Variants in ROBO2 observed in about 807,000 individuals in gnomAD.
The protein encoded by ROBO2 is roundabout guidance receptor 2.
ROBO2 carries 53 observed loss-of-function variants against 160.8 expected under a neutral mutation model. The ratio of observed to expected loss-of-function variants is 0.33; its 90% CI spans 0.26 to 0.41. The LOEUF (loss-of-function observed/expected upper bound fraction) is 0.41. Among genes scored for constraint, ROBO2 ranks in the 10% least tolerant of loss-of-function variants. The pLI is 1.00. For missense variants in ROBO2, 1,577 were observed against 1,722.4 expected (o/e 0.92, Z 1.49); for synonymous variants, 664 against 611.7 (o/e 1.09, Z -1.26).
chr3:77,434,674 C>T (rs2079108631), intron 2 of ROBO2, among the ~76,000 whole-genome samples: 2 of 152,060 alleles, frequency 1.3e-5, no homozygotes, highest in Non-Finnish European at 2.9e-5. Flanking sequence ...CTCCTGGTTC[C>T]CCATTACCAT....
At chr3:76,958,146 G>A (rs1173603583) in intron 2 of ROBO2, among the ~76,000 whole-genome samples, 1 of 152,164 alleles carries the variant, frequency 6.6e-6, no homozygotes, top group East Asian at 1.9e-4. Context: ...CAGACTAAGA[G>A]CTGCCTCGTT....
intron 2 of ROBO2, among the ~76,000 whole-genome samples, chr3:76,363,642 G>T (rs975324921): frequency 6.6e-6 from 1 of 151,774 alleles, no homozygotes; most frequent in Admixed American, 6.6e-5. Context: ...CTTGTAAAAA[G>T]CCTGTTTGTC....
chr3:76,165,047 T>C (rs62268951), intron 2 of ROBO2, among the ~76,000 whole-genome samples: 4,329 of 109,768 alleles, frequency 0.039, 113 homozygotes, highest in South Asian at 0.14. Flanking sequence ...TTTGACAACA[T>C]ACAGTCTACA....
At chr3:76,233,807 T>A (rs1195021047) in intron 2 of ROBO2, among the ~76,000 whole-genome samples, 1 of 152,244 alleles carries the variant, frequency 6.6e-6, no homozygotes, top group Non-Finnish European at 1.5e-5. Context: ...TTTACTTTTT[T>A]GTTATTTTGT....
intron 11 of ROBO2, chr3:77,564,589 G>A: frequency 5.0e-6 from 2 of 402,056 alleles, no homozygotes; most frequent in Non-Finnish European, 4.7e-6. Flanking sequence ...TCTTTTCAAG[G>A]TATATATATA....
At chr3:76,207,971 G>A (rs1702913118) in intron 2 of ROBO2, among the ~76,000 whole-genome samples, 3 of 152,164 alleles carry the variant, frequency 2.0e-5, no homozygotes, top group Admixed American at 2.0e-4. Flanking sequence ...TCTTATGATA[G>A]TGTGTGAGTT....
chr3:76,400,190 A>G (rs1576955100), intron 2 of ROBO2, among the ~76,000 whole-genome samples: 1 of 151,816 alleles, frequency 6.6e-6, no homozygotes, highest in African/African-American at 2.4e-5. Context: ...AAAATTGAAT[A>G]AAAAATTGCA....
intron 2 of ROBO2, among the ~76,000 whole-genome samples, chr3:76,940,104 C>A: frequency 6.6e-6 from 1 of 151,664 alleles, no homozygotes; most frequent in Admixed American, 6.6e-5. Flanking sequence ...GCCTCAGCCT[C>A]CCGAGTAGCT....
intron 2 of ROBO2, among the ~76,000 whole-genome samples, chr3:76,579,398 T>G (rs2085510464): frequency 6.6e-6 from 1 of 152,168 alleles, no homozygotes; most frequent in African/African-American, 2.4e-5. Flanking sequence ...ATTTACTCTT[T>G]CTCTTCTTAA....
intron 2 of ROBO2, among the ~76,000 whole-genome samples, chr3:76,215,639 T>C (rs1703466851): frequency 6.6e-6 from 1 of 152,080 alleles, no homozygotes; most frequent in Non-Finnish European, 1.5e-5. Flanking sequence ...GAACAAAGAC[T>C]CCAAGAAATA....
At chr3:76,513,209 G>C (rs950725170) in intron 2 of ROBO2, among the ~76,000 whole-genome samples, 9 of 152,138 alleles carry the variant, frequency 5.9e-5, no homozygotes, top group African/African-American at 2.2e-4. Context: ...GAAGGCACAT[G>C]GTGATGAGGC....
intron 2 of ROBO2, among the ~76,000 whole-genome samples, chr3:76,265,890 A>T (rs1312820448): frequency 6.6e-6 from 1 of 152,198 alleles, no homozygotes; most frequent in East Asian, 1.9e-4. Context: ...AGTAACAAGG[A>T]AAGAGCCTTA....
At chr3:76,055,029 A>G (rs1256182832) in intron 2 of ROBO2, among the ~76,000 whole-genome samples, 1 of 152,244 alleles carries the variant, frequency 6.6e-6, no homozygotes, top group Non-Finnish European at 1.5e-5. Context: ...AAGAGGTTTA[A>G]TTGACTCACA....
At chr3:77,432,195 G>A (rs557410622) in intron 2 of ROBO2, among the ~76,000 whole-genome samples, 1 of 152,268 alleles carries the variant, frequency 6.6e-6, no homozygotes, top group South Asian at 2.1e-4. Context: ...AAAGTCATTT[G>A]TATGGTCAAG....
Position 77,213,999 on chromosome 3 carries a change from C to G in ROBO2, c.388+115659C>G, listed in dbSNP as rs61544357. 7.4e-3 allele frequency among the ~76,000 whole-genome samples: 1,120 copies of G among 152,116 alleles called. 13 individuals carry two copies. The highest frequency in any genetic ancestry group is 0.024 in the African/African-American group (1,008 of 41,490). On this transcript the variant is annotated intron_variant, in intron 2 of 25. Coordinates refer to ENST00000461745, the Ensembl canonical transcript of ROBO2. Reference sequence around the variant, plus strand: ...TTGCTGAGGAGTGCTTTACTTCCAACTATGTGGTCAATTTTGGAATAGGTG... The same window carrying G: ...TTGCTGAGGAGTGCTTTACTTCCAAGTATGTGGTCAATTTTGGAATAGGTG...
intron 2 of ROBO2, among the ~76,000 whole-genome samples, chr3:77,175,433 T>A (rs981852397): frequency 1.3e-5 from 2 of 152,002 alleles, no homozygotes; most frequent in East Asian, 1.9e-4. Flanking sequence ...GTCCTTAAAT[T>A]CTAGACTGAA....
At chr3:77,508,633 GACAA>G in intron 5 of ROBO2, among the ~76,000 whole-genome samples, 1 of 151,792 alleles carries the variant, frequency 6.6e-6, no homozygotes, top group African/African-American at 2.4e-5. Context: ...ATAGTGTAAT[GACAA>G]ACAATAATGA....
At chr3:76,850,275 A>G (rs1428956189) in intron 2 of ROBO2, among the ~76,000 whole-genome samples, 1 of 152,184 alleles carries the variant, frequency 6.6e-6, no homozygotes, top group Non-Finnish European at 1.5e-5. Flanking sequence ...CTCTTAGACT[A>G]TGTAACTTTC....
At chr3:77,357,936 G>A (rs772654091) in intron 2 of ROBO2, among the ~76,000 whole-genome samples, 1 of 152,156 alleles carries the variant, frequency 6.6e-6, no homozygotes, top group Non-Finnish European at 1.5e-5. Context: ...TAAAATTCTT[G>A]TCTTTTCACT....
Sources: gnomAD v4.1 joint callset for allele counts (sites outside exome capture counted in the v4.1 genomes callset) on GRCh38, gnomAD v4.1.1 for gene constraint, MANE v1.5 for transcripts, NCBI Gene and HGNC (gene_info 2026-07-23, HGNC 2026-07-21) for gene names.